STX18: variants seen among roughly 807,000 people sequenced by gnomAD.
STX18 encodes the protein syntaxin-18.
A neutral mutation model predicts 50.1 loss-of-function variants in STX18; 40 were observed. That is an observed-to-expected ratio of 0.80 (90% CI 0.62 to 1.04). STX18 has a LOEUF of 1.04. STX18 is among the 50% of genes least tolerant of loss of function. The pLI is 0.00. For missense variants in STX18, 410 were observed against 415.8 expected (o/e 0.99, Z 0.12); for synonymous variants, 158 against 151.8 (o/e 1.04, Z -0.30).
chr4:4,455,061 C>T (rs897263545), intron 5 of STX18, among the ~76,000 whole-genome samples: 5 of 152,164 alleles, frequency 3.3e-5, no homozygotes, highest in African/African-American at 1.2e-4. Context: ...AGTTAAGCAA[C>T]CTGCTCAAAG....
chr4:4,477,038 A>G (rs1728212652), intron 1 of STX18, among the ~76,000 whole-genome samples: 1 of 152,056 alleles, frequency 6.6e-6, no homozygotes, highest in African/African-American at 2.4e-5. Context: ...CGTCTCTATT[A>G]AAAATACAAT....
intron 8 of STX18, 63 bp downstream of exon 8, chr4:4,425,101 G>A: frequency 4.0e-6 from 6 of 1,483,258 alleles, no homozygotes; most frequent in Non-Finnish European, 5.7e-6. Context: ...GGTAAATAAA[G>A]TTCCTAGTTC....
chr4:4,518,068 C>T (rs1212618426), intron 1 of STX18, among the ~76,000 whole-genome samples: 3 of 152,284 alleles, frequency 2.0e-5, no homozygotes, highest in Non-Finnish European at 2.9e-5. Flanking sequence ...CCACCACACC[C>T]GGCCTATATG....
At chr4:4,482,881 G>GA (rs1728528502) in intron 1 of STX18, among the ~76,000 whole-genome samples, 1 of 152,096 alleles carries the variant, frequency 6.6e-6, no homozygotes, top group African/African-American at 2.4e-5. Flanking sequence ...AATCTTACCA[G>GA]AAAAAATAAA....
intron 5 of STX18, among the ~76,000 whole-genome samples, chr4:4,451,968 G>C (rs1295431809): frequency 6.6e-6 from 1 of 152,204 alleles, no homozygotes; most frequent in Admixed American, 6.5e-5. Context: ...AGTTAGCCAA[G>C]TTGTGAATGC....
intron 1 of STX18, among the ~76,000 whole-genome samples, chr4:4,526,398 T>C (rs1730759602): frequency 6.6e-6 from 1 of 152,168 alleles, no homozygotes; most frequent in Non-Finnish European, 1.5e-5. Context: ...GGTAATTAAC[T>C]GGATAGAGGA....
chr4:4,478,234 AAAC>A lies in STX18; in HGVS notation c.169-6531_169-6529del, dbSNP rs1325228204. Among the ~76,000 whole-genome samples the A allele has an allele frequency of 2.0e-3, 295 of 150,492 alleles. 7 individuals carry two copies. Among genetic ancestry groups the A allele is most frequent in the East Asian group, 0.011 (57 of 5,184 alleles). On this transcript the variant is annotated intron_variant, in intron 1 of 10. Coordinates refer to ENST00000306200, the MANE Select transcript of STX18 (RefSeq NM_016930.4). ...ATACAGAAAGATCGGCAAAAAAAAA[AAAC>A]AAAAACGTTTTCACTGATTGACATT... is the stretch of plus-strand genomic sequence containing the variant.
intron 1 of STX18, among the ~76,000 whole-genome samples, chr4:4,514,202 C>A (rs143798023): frequency 2.4e-3 from 359 of 152,282 alleles, no homozygotes; most frequent in Middle Eastern, 0.014. Flanking sequence ...GAAAAGGATA[C>A]ACGTAGATAT....
chr4:4,452,154 C>T (rs79867973), intron 5 of STX18, among the ~76,000 whole-genome samples: 3 of 152,104 alleles, frequency 2.0e-5, no homozygotes, highest in Non-Finnish European at 4.4e-5. Context: ...TAACTCTCTT[C>T]GATTCTGTGA....
chr4:4,423,886 T>C lies in STX18; in HGVS notation c.762-299A>G, dbSNP rs114403528. ...CAGTGCCCTTTGCATTCTGTGTCAC[T>C]GCTCGGGGAATGGGGAGGGCCTGGT... On this transcript the variant is annotated intron_variant, in intron 8 of 10. Coordinates refer to ENST00000306200, the MANE Select transcript of STX18 (RefSeq NM_016930.4). 8.0e-4 allele frequency: 335 copies of C among 418,946 alleles called. 1 individual carries two copies. Among genetic ancestry groups the C allele is most frequent in the African/African-American group, 5.9e-3 (293 of 49,494 alleles). The allele number at this position is 418,946 out of a possible 1,614,324, so 26.0% of individuals were successfully genotyped here. A position where few individuals can be genotyped will look rare whatever the true frequency, so the allele number is the denominator to read the frequency against.
At chr4:4,528,571 C>A (rs550217234) in intron 1 of STX18, among the ~76,000 whole-genome samples, 1 of 152,338 alleles carries the variant, frequency 6.6e-6, no homozygotes, top group South Asian at 2.1e-4. Flanking sequence ...CCAAAATTAA[C>A]CTCTTTTCGT....
At chr4:4,474,656 G>C (rs1363421771) in intron 1 of STX18, among the ~76,000 whole-genome samples, 1 of 152,214 alleles carries the variant, frequency 6.6e-6, no homozygotes, top group African/African-American at 2.4e-5. Context: ...GTGGGAGGCA[G>C]AAGGGAGAGT....
rs1199886942 is a variant in STX18 at position 4,438,499 on chromosome 4, C to G, written c.508G>C (p.Glu170Gln). 6.2e-7 allele frequency: 1 copy of G among 1,610,740 alleles called. No homozygotes were observed. The highest frequency in any genetic ancestry group is 8.5e-7 in the Non-Finnish European group (1 of 1,178,298). ...VVDKKRLSKLEPEPNTKTRES... is the reference protein window; with the variant it reads ...VVDKKRLSKLQPEPNTKTRES... Reference sequence around the variant, plus strand: ...CTTGTCTTTGTATTTGGTTCTGGTTCCAGCTTAGATCTAAAAATAAATAAT... The same window carrying G: ...CTTGTCTTTGTATTTGGTTCTGGTTGCAGCTTAGATCTAAAAATAAATAAT... The change falls in exon 6 of 11, where the codon GAA (glutamate) becomes CAA (glutamine). Residue 170 changes from glutamate to glutamine, a missense_variant. Glu to Gln is a conservative substitution (Grantham distance 29, BLOSUM62 2). Transcript: ENST00000306200.
chr4:4,440,144 T>C (rs755204074), intron 5 of STX18, among the ~76,000 whole-genome samples: 59 of 152,226 alleles, frequency 3.9e-4, no homozygotes, highest in Non-Finnish European at 7.3e-5. Context: ...ATAAATGCTA[T>C]AAAATTATAG....
intron 1 of STX18, among the ~76,000 whole-genome samples, chr4:4,526,616 G>A (rs550365728): frequency 6.6e-6 from 1 of 152,318 alleles, no homozygotes; most frequent in Admixed American, 6.5e-5. Context: ...GAGTCAACGG[G>A]AAAGTATAGA....
At chr4:4,448,265 A>T (rs1279744354) in intron 5 of STX18, among the ~76,000 whole-genome samples, 1 of 152,142 alleles carries the variant, frequency 6.6e-6, no homozygotes, top group Non-Finnish European at 1.5e-5. Flanking sequence ...AGACACATTT[A>T]CAATGGGATT....
chr4:4,519,054 T>A (rs1730403564), intron 1 of STX18, among the ~76,000 whole-genome samples: 1 of 152,214 alleles, frequency 6.6e-6, no homozygotes, highest in South Asian at 2.1e-4. Flanking sequence ...AAAACTGCTA[T>A]AATTTTCTAG....
chr4:4,444,717 C>A (rs1420472978), intron 5 of STX18, among the ~76,000 whole-genome samples: 4 of 152,112 alleles, frequency 2.6e-5, no homozygotes, highest in African/African-American at 7.2e-5. Context: ...TCTAGCAAAT[C>A]CCTCAATAAG....
At chr4:4,440,320 T>C (rs1726041131) in intron 5 of STX18, among the ~76,000 whole-genome samples, 1 of 152,216 alleles carries the variant, frequency 6.6e-6, no homozygotes, top group African/African-American at 2.4e-5. Context: ...TAAATTTATT[T>C]AATTTCGAAT....
Sources: gnomAD v4.1 joint callset for allele counts (sites outside exome capture counted in the v4.1 genomes callset) on GRCh38, gnomAD v4.1.1 for gene constraint, MANE v1.5 for transcripts, NCBI Gene and HGNC (gene_info 2026-07-23, HGNC 2026-07-21) for gene names.